GALNT17: variants seen among roughly 807,000 people sequenced by gnomAD.
GALNT17 encodes UDP-GalNAc:polypeptide N-acetylgalactosaminyltransferase-like 3.
Under a neutral mutation model 63.7 loss-of-function variants are expected in GALNT17, and 29 were observed. The ratio of observed to expected loss-of-function variants is 0.46; its 90% CI spans 0.34 to 0.62. The LOEUF is 0.62. Ranked by LOEUF, GALNT17 falls within the 20% of genes least tolerant of loss-of-function variation. GALNT17 has a pLI of 0.01. For synonymous variants in GALNT17, 305 were observed against 318.3 expected, an observed-to-expected ratio of 0.96 and a Z score of 0.45; for missense variants, 603 against 799.6, an observed-to-expected ratio of 0.75 and a Z score of 2.97.
intron 3 of GALNT17, among the ~76,000 whole-genome samples, chr7:71,389,140 C>CCTTTTTT (rs1793004675): frequency 6.8e-6 from 1 of 147,680 alleles, no homozygotes; most frequent in Non-Finnish European, 1.5e-5. Flanking sequence ...TACCCCTGCC[C>CCTTTTTT]TTTTTTTTTT....
chr7:71,560,443 T>C (rs917368006), intron 5 of GALNT17, among the ~76,000 whole-genome samples: 1 of 152,052 alleles, frequency 6.6e-6, no homozygotes. Flanking sequence ...AGGGAATTGA[T>C]CACTTGTCAC....
chr7:71,650,344 G>C (rs1455842915), intron 6 of GALNT17, among the ~76,000 whole-genome samples: 2 of 152,136 alleles, frequency 1.3e-5, no homozygotes, highest in African/African-American at 4.8e-5. Flanking sequence ...CCACCTTCTG[G>C]GTTCAAGTGA....
At chr7:71,606,738 T>C (rs1790053762) in intron 6 of GALNT17, among the ~76,000 whole-genome samples, 4 of 152,240 alleles carry the variant, frequency 2.6e-5, no homozygotes, top group African/African-American at 9.6e-5. Context: ...CATCAAGTCT[T>C]GTTCCTGCCC....
At chr7:71,161,448 A>G (rs1788340300) in intron 1 of GALNT17, among the ~76,000 whole-genome samples, 2 of 152,166 alleles carry the variant, frequency 1.3e-5, no homozygotes, top group Non-Finnish European at 2.9e-5. Context: ...TAATGTCGCG[A>G]AGGAATTATC....
intron 3 of GALNT17, among the ~76,000 whole-genome samples, chr7:71,405,630 T>G (rs992459687): frequency 6.6e-6 from 1 of 152,188 alleles, no homozygotes; most frequent in East Asian, 1.9e-4. Context: ...TGCTCACAAT[T>G]CAGGGGGCTG....
At chr7:71,619,844 G>C (rs1455926879) in intron 6 of GALNT17, among the ~76,000 whole-genome samples, 1 of 152,118 alleles carries the variant, frequency 6.6e-6, no homozygotes, top group African/African-American at 2.4e-5. Flanking sequence ...GGAGTGGAGA[G>C]AGTGGGTATC....
At chr7:71,519,929 AAAT>A (rs535963555) in intron 5 of GALNT17, among the ~76,000 whole-genome samples, 1 of 152,216 alleles carries the variant, frequency 6.6e-6, no homozygotes, top group Non-Finnish European at 1.5e-5. Context: ...GTCTCCAATA[AAAT>A]AATAAGAGAG....
At chr7:71,491,051 G>C (rs1011724944) in intron 5 of GALNT17, among the ~76,000 whole-genome samples, 9 of 151,798 alleles carry the variant, frequency 5.9e-5, no homozygotes, top group African/African-American at 2.2e-4. Flanking sequence ...AAAATTAGCC[G>C]GGTAGGGTGG....
chr7:71,280,558 G>A (rs193282236), intron 1 of GALNT17, among the ~76,000 whole-genome samples: 1 of 152,232 alleles, frequency 6.6e-6, no homozygotes, highest in Non-Finnish European at 1.5e-5. Flanking sequence ...AGCACAGAAG[G>A]GAAGACGCAG....
At chr7:71,360,941 T>G (rs752799206) in intron 2 of GALNT17, among the ~76,000 whole-genome samples, 2 of 152,148 alleles carry the variant, frequency 1.3e-5, no homozygotes, top group African/African-American at 4.8e-5. Context: ...CCTTGCTCCT[T>G]AAAAGACGTC....
intron 6 of GALNT17, among the ~76,000 whole-genome samples, chr7:71,604,205 C>T (rs1790013124): frequency 1.7e-5 from 2 of 120,250 alleles, no homozygotes. Context: ...GTGCATATGC[C>T]AGGTACTATG....
chr7:71,565,685 G>C (rs906264796), intron 5 of GALNT17, among the ~76,000 whole-genome samples: 1 of 152,058 alleles, frequency 6.6e-6, no homozygotes, highest in Non-Finnish European at 1.5e-5. Context: ...TAACTTCTCT[G>C]CTCTCAGGGA....
intron 1 of GALNT17, among the ~76,000 whole-genome samples, chr7:71,264,980 G>T (rs1298442361): frequency 6.6e-6 from 1 of 150,782 alleles, no homozygotes; most frequent in Non-Finnish European, 1.5e-5. Context: ...AAGAGGACTT[G>T]AAATGTTCCC....
intron 5 of GALNT17, among the ~76,000 whole-genome samples, chr7:71,539,707 C>CTTTT (rs71089953): frequency 0.099 from 7,100 of 71,500 alleles, 1,080 homozygotes; most frequent in African/African-American, 0.25. Context: ...TTAGTCCCAC[C>CTTTT]TTTTTTTTTT....
chr7:71,401,294 G>A (rs1051031578), intron 3 of GALNT17, among the ~76,000 whole-genome samples: 17 of 151,860 alleles, frequency 1.1e-4, no homozygotes, highest in Admixed American at 2.0e-4. Flanking sequence ...ATGGTGATTC[G>A]CCATGTTGGC....
At chr7:71,488,947 G>A (rs1787960166) in intron 5 of GALNT17, among the ~76,000 whole-genome samples, 1 of 131,116 alleles carries the variant, frequency 7.6e-6, no homozygotes, top group Non-Finnish European at 1.6e-5. Flanking sequence ...AGGCCAGAGT[G>A]TAGTGGTAAG....
chr7:71,670,184 A>G, intron 8 of GALNT17, 75 bp downstream of exon 8: 1 of 1,590,670 alleles, frequency 6.3e-7, no homozygotes, highest in South Asian at 1.1e-5. Context: ...GGGGAGAAAT[A>G]GAGTTGCTCA....
chr7:71,618,960 T>C (rs765781864), intron 6 of GALNT17, among the ~76,000 whole-genome samples: 12 of 152,226 alleles, frequency 7.9e-5, no homozygotes, highest in Admixed American at 2.0e-4. Flanking sequence ...TATTTAAATC[T>C]TTGATCCATC....
intron 3 of GALNT17, among the ~76,000 whole-genome samples, chr7:71,414,180 G>T (rs985797460): frequency 4.6e-5 from 7 of 152,164 alleles, no homozygotes; most frequent in Admixed American, 4.6e-4. Flanking sequence ...GGTGGAGGTT[G>T]CAGTGAGCTG....
Sources: allele counts gnomAD v4.1 joint callset (sites outside exome capture counted in the v4.1 genomes callset), GRCh38; gene constraint gnomAD v4.1.1; transcripts MANE v1.5; gene names NCBI Gene and HGNC (gene_info 2026-07-23, HGNC 2026-07-21).